The following SGCZ variants were observed in gnomAD, a reference collection of about 807,000 sequenced individuals.
The protein encoded by SGCZ is zeta-sarcoglycan.
SGCZ carries 40 observed loss-of-function variants against 41.3 expected under a neutral mutation model. That is an observed-to-expected ratio of 0.97 (90% CI 0.75 to 1.26). The LOEUF (loss-of-function observed/expected upper bound fraction) is 1.26. SGCZ is among the 50% of genes most tolerant of loss of function. The probability of loss-of-function intolerance (pLI) is 0.00; values close to 1 mark genes in which losing one functional copy is unlikely to be tolerated. For missense variants in SGCZ, 552 were observed against 369.8 expected (o/e 1.49, Z -4.04); for synonymous variants, 206 against 137.5 (o/e 1.50, Z -3.49).
intron 5 of SGCZ, among the ~76,000 whole-genome samples, chr8:14,150,342 C>T (rs910042878): frequency 1.3e-5 from 2 of 151,994 alleles, no homozygotes; most frequent in African/African-American, 4.8e-5. Context: ...AGGAAAATGT[C>T]TAAAAATTCA....
chr8:14,741,823 A>G (rs1161462437), intron 1 of SGCZ, among the ~76,000 whole-genome samples: 1 of 152,070 alleles, frequency 6.6e-6, no homozygotes, highest in African/African-American at 2.4e-5. Context: ...ATGTCGGTAA[A>G]GCTTAAATGA....
chr8:14,443,749 A>G (rs75678676), intron 2 of SGCZ, among the ~76,000 whole-genome samples: 12,525 of 150,920 alleles, frequency 0.083, 601 homozygotes, highest in Admixed American at 0.13. Flanking sequence ...ACATAGGCAT[A>G]GGCAAGGACT....
At chr8:14,674,928 GTTTTTTTTTTTTTTT>G (rs201881681) in intron 1 of SGCZ, among the ~76,000 whole-genome samples, 1 of 70,998 alleles carries the variant, frequency 1.4e-5, no homozygotes, top group Non-Finnish European at 2.7e-5. Flanking sequence ...TTTCTTTTCT[GTTTTTTTTTTTTTTT>G]TTTTTTTTTT....
At chr8:14,478,612 T>C (rs905341302) in intron 2 of SGCZ, among the ~76,000 whole-genome samples, 1 of 152,140 alleles carries the variant, frequency 6.6e-6, no homozygotes, top group Non-Finnish European at 1.5e-5. Flanking sequence ...CTATGGATAT[T>C]GTGTTCAGAT....
intron 1 of SGCZ, among the ~76,000 whole-genome samples, chr8:15,216,960 C>A (rs543738979): frequency 6.6e-6 from 1 of 152,150 alleles, no homozygotes; most frequent in Non-Finnish European, 1.5e-5. Context: ...GGTAAAGAAT[C>A]TTACCATCAT....
chr8:14,185,910 C>A (rs1177802097), intron 4 of SGCZ, among the ~76,000 whole-genome samples: 1 of 152,184 alleles, frequency 6.6e-6, no homozygotes, highest in African/African-American at 2.4e-5. Context: ...CATGTTGAAT[C>A]CCAAATTCTC....
At chr8:14,117,522 T>G (rs1002200331) in intron 5 of SGCZ, among the ~76,000 whole-genome samples, 6 of 150,402 alleles carry the variant, frequency 4.0e-5, no homozygotes, top group Non-Finnish European at 8.9e-5. Flanking sequence ...ATTTACAAAA[T>G]AAAATTCCAA....
intron 3 of SGCZ, among the ~76,000 whole-genome samples, chr8:14,289,935 C>T (rs1800781175): frequency 6.6e-6 from 1 of 151,890 alleles, no homozygotes; most frequent in Non-Finnish European, 1.5e-5. Context: ...AAAGCAGGCA[C>T]CTTCTTCATA....
chr8:14,884,548 A>G (rs1324646903), intron 1 of SGCZ, among the ~76,000 whole-genome samples: 2 of 152,064 alleles, frequency 1.3e-5, no homozygotes, highest in Non-Finnish European at 2.9e-5. Context: ...ATAGATTACT[A>G]AAGTTTCCTA....
At chr8:14,249,076 T>A (rs911485376) in intron 3 of SGCZ, among the ~76,000 whole-genome samples, 1 of 152,180 alleles carries the variant, frequency 6.6e-6, no homozygotes, top group African/African-American at 2.4e-5. Flanking sequence ...TTTGAGTAGG[T>A]CTGTGAGAGT....
chr8:14,743,645 A>G (rs2130288772), intron 1 of SGCZ, among the ~76,000 whole-genome samples: 1 of 152,198 alleles, frequency 6.6e-6, no homozygotes, highest in Admixed American at 6.6e-5. Flanking sequence ...TATTTTAGAA[A>G]AAGAGTGAAG....
chr8:15,071,500 C>T (rs897629534), intron 1 of SGCZ, among the ~76,000 whole-genome samples: 1 of 152,080 alleles, frequency 6.6e-6, no homozygotes, highest in East Asian at 1.9e-4. Flanking sequence ...ATTTGTCCTG[C>T]CTACTTCACA....
intron 1 of SGCZ, among the ~76,000 whole-genome samples, chr8:15,117,489 G>T (rs897438628): frequency 2.6e-5 from 4 of 152,174 alleles, no homozygotes; most frequent in African/African-American, 9.7e-5. Context: ...GGGAAGTTGA[G>T]AATACAGAGG....
intron 1 of SGCZ, among the ~76,000 whole-genome samples, chr8:14,845,138 G>T (rs778877262): frequency 7.2e-5 from 11 of 152,108 alleles, no homozygotes; most frequent in Non-Finnish European, 1.5e-4. Context: ...ACACCTAAAT[G>T]AATGAGATGA....
At position 14,628,920 on chromosome 8, in the gene SGCZ, C is replaced by A. The variant is rs576086352; in HGVS notation, c.40-73994G>T. On this transcript the variant is annotated intron_variant, in intron 1 of 7. Coordinates refer to ENST00000382080, the MANE Select transcript of SGCZ (RefSeq NM_139167.4). ...GAAAATATAGGTGGTGAATAAAAAC[C>A]ATCTGTACTTTTGCTGTTGTGATTC... Among the ~76,000 whole-genome samples the A allele has an allele frequency of 9.7e-4, 148 of 152,016 alleles. 1 individual carries two copies. Among genetic ancestry groups the A allele is most frequent in the Non-Finnish European group, 1.8e-3 (120 of 67,978 alleles).
chr8:14,150,598 G>A (rs997850951), intron 5 of SGCZ, among the ~76,000 whole-genome samples: 1 of 152,084 alleles, frequency 6.6e-6, no homozygotes, highest in South Asian at 2.1e-4. Context: ...AAACCACTAT[G>A]GAGAACAGTT....
intron 1 of SGCZ, among the ~76,000 whole-genome samples, chr8:15,115,740 A>G (rs1168904059): frequency 1.3e-5 from 2 of 152,238 alleles, no homozygotes; most frequent in South Asian, 4.1e-4. Context: ...GCTATTGAAT[A>G]CTTTTTTGGA....
At chr8:14,202,700 A>C (rs1312590424) in intron 4 of SGCZ, among the ~76,000 whole-genome samples, 2 of 152,160 alleles carry the variant, frequency 1.3e-5, no homozygotes, top group African/African-American at 4.8e-5. Context: ...TTTAACATTA[A>C]TATAGAAGTT....
intron 5 of SGCZ, among the ~76,000 whole-genome samples, chr8:14,121,887 T>A (rs1802707530): frequency 6.6e-6 from 1 of 152,190 alleles, no homozygotes; most frequent in African/African-American, 2.4e-5. Context: ...TAAAAATTTT[T>A]TATTATGTCA....
Sources: gnomAD v4.1 joint callset for allele counts (sites outside exome capture counted in the v4.1 genomes callset) on GRCh38, gnomAD v4.1.1 for gene constraint, MANE v1.5 for transcripts, NCBI Gene and HGNC (gene_info 2026-07-23, HGNC 2026-07-21) for gene names.